ARHGEF3: variants seen among roughly 807,000 people sequenced by gnomAD.
ARHGEF3 encodes 59.8 kDA protein.
Under a neutral mutation model 63.2 loss-of-function variants are expected in ARHGEF3, and 28 were observed. The ratio of observed to expected loss-of-function variants is 0.44; its 90% CI spans 0.33 to 0.61. The LOEUF (loss-of-function observed/expected upper bound fraction) is 0.61, where lower values mean the gene tolerates loss of function less well. Ranked by LOEUF, ARHGEF3 falls within the 20% of genes least tolerant of loss-of-function variation. ARHGEF3 has a pLI of 0.03. For synonymous variants in ARHGEF3, 266 were observed against 254.2 expected (o/e 1.05, Z -0.44); for missense variants, 533 against 659.3 (o/e 0.81, Z 2.10).
At chr3:56,955,051 C>T (rs1210976354) in intron 3 of ARHGEF3, among the ~76,000 whole-genome samples, 1 of 152,170 alleles carries the variant, frequency 6.6e-6, no homozygotes, top group African/African-American at 2.4e-5. Context: ...TGTACCTCTC[C>T]TCGAGAGCAA....
intron 4 of ARHGEF3, among the ~76,000 whole-genome samples, chr3:56,871,250 C>G (rs1311127014): frequency 6.6e-6 from 1 of 152,018 alleles, no homozygotes; most frequent in Non-Finnish European, 1.5e-5. Context: ...AAGAATTTGA[C>G]AGTAAATGAA....
chr3:57,042,735 C>T (rs1433644514), intron 1 of ARHGEF3, among the ~76,000 whole-genome samples: 7 of 127,164 alleles, frequency 5.5e-5, no homozygotes, highest in African/African-American at 1.8e-4. Context: ...CTCGCTCTGT[C>T]GCCCAGACTG....
chr3:56,729,666 C>T, intron 9 of ARHGEF3, 44 bp from the exon 10 acceptor site: 1 of 1,494,984 alleles, frequency 6.7e-7, no homozygotes, highest in South Asian at 1.3e-5. Context: ...ATGGACAGAT[C>T]CTTCCTCAGG....
At chr3:56,903,089 C>CAGAG (rs10598469) in intron 3 of ARHGEF3, among the ~76,000 whole-genome samples, 73 of 132,280 alleles carry the variant, frequency 5.5e-4, no homozygotes, top group African/African-American at 1.9e-3. Context: ...CACACACACA[C>CAGAG]AGAGAGAGAG....
chr3:56,824,069 C>A (rs3898134), intron 4 of ARHGEF3, among the ~76,000 whole-genome samples: 11,461 of 150,574 alleles, frequency 0.076, 544 homozygotes, highest in Middle Eastern at 0.11. Context: ...TTAGTGCAAA[C>A]TTTTGTCAAA....
At chr3:57,031,950 C>T (rs1317878885) in intron 2 of ARHGEF3, among the ~76,000 whole-genome samples, 1 of 152,122 alleles carries the variant, frequency 6.6e-6, no homozygotes, top group Non-Finnish European at 1.5e-5. Flanking sequence ...TCTTCTGGCT[C>T]TAAATTTTTA....
intron 3 of ARHGEF3, among the ~76,000 whole-genome samples, chr3:56,946,149 A>C (rs894924092): frequency 6.6e-6 from 1 of 152,204 alleles, no homozygotes; most frequent in African/African-American, 2.4e-5. Flanking sequence ...ATCAAAGACC[A>C]AAGGTAGATA....
rs201057893 is a variant in ARHGEF3 at position 56,996,894 on chromosome 3, T to TATTATTATCA, written c.63-38006_63-38005insTGATAATAAT. On this transcript the variant is annotated intron_variant, in intron 2 of 12. Coordinates refer to the ARHGEF3 transcript ENST00000338458. The stretch of plus-strand genomic sequence containing the variant: ...ATTATTATTATTATTATTATTATTT[T>TATTATTATCA]TTTTTTTTTTTGCAATTTGCTTATT... 2.0e-4 allele frequency among the ~76,000 whole-genome samples: 29 copies of TATTATTATCA among 147,298 alleles called. No homozygotes were observed. The South Asian group carries it at 5.5e-3, about 28-fold the overall frequency.
At chr3:56,898,602 T>C in intron 3 of ARHGEF3, 1 of 281,508 alleles carries the variant, frequency 3.6e-6, no homozygotes, top group Non-Finnish European at 7.9e-6. Context: ...AAGATGTAAG[T>C]ATCAGCTGTT....
intron 3 of ARHGEF3, among the ~76,000 whole-genome samples, chr3:56,915,655 G>A (rs2041968837): frequency 6.6e-6 from 1 of 151,996 alleles, no homozygotes. Flanking sequence ...ACCAAAAAAC[G>A]ATGTTCTTAA....
At chr3:56,863,974 C>A (rs1181592163) in intron 4 of ARHGEF3, among the ~76,000 whole-genome samples, 1 of 152,158 alleles carries the variant, frequency 6.6e-6, no homozygotes, top group Non-Finnish European at 1.5e-5. Flanking sequence ...TAAGTGCCCA[C>A]TCAAGACCAG....
At chr3:57,060,098 T>C (rs918808566) in intron 1 of ARHGEF3, among the ~76,000 whole-genome samples, 1 of 152,124 alleles carries the variant, frequency 6.6e-6, no homozygotes, top group South Asian at 2.1e-4. Flanking sequence ...GGCGGGAGGA[T>C]CACTTGAGCC....
chr3:57,052,006 T>C (rs992349159), intron 1 of ARHGEF3, among the ~76,000 whole-genome samples: 4 of 151,744 alleles, frequency 2.6e-5, no homozygotes, highest in Admixed American at 1.3e-4. Flanking sequence ...ACCACCACCA[T>C]CTACTGAGTA....
At chr3:57,000,453 G>A (rs193289506) in intron 2 of ARHGEF3, among the ~76,000 whole-genome samples, 2 of 151,984 alleles carry the variant, frequency 1.3e-5, no homozygotes, top group Non-Finnish European at 2.9e-5. Flanking sequence ...CCTCCCTTTT[G>A]ATGTGGTGTC....
intron 3 of ARHGEF3, among the ~76,000 whole-genome samples, chr3:56,923,218 G>A (rs568603072): frequency 4.3e-4 from 65 of 151,240 alleles, no homozygotes; most frequent in East Asian, 9.7e-4. Flanking sequence ...GCAAGACTCC[G>A]TCTCAAAAAA....
chr3:56,942,084 T>C (rs762999917), intron 3 of ARHGEF3, among the ~76,000 whole-genome samples: 6 of 152,230 alleles, frequency 3.9e-5, no homozygotes, highest in Non-Finnish European at 7.3e-5. Flanking sequence ...TGTAGGGGAA[T>C]GTGATTACTT....
rs1198850227 is a variant in ARHGEF3 at position 57,074,253 on chromosome 3, C to T, written c.-28+4973G>A. The T allele has an allele frequency of 3.7e-6, 6 of 1,612,302 alleles. No individual in the cohort carries two copies. The Admixed American group carries it at 8.3e-5, about 22-fold the overall frequency. ...TACAGTATACTCCAACACACACATA[C>T]ACACACATCTGTAATCAATAATAAT... On this transcript the variant is annotated intron_variant, in intron 1 of 12. Transcript: ENST00000338458.
At chr3:56,780,257 T>G (rs1469993224) in intron 1 of ARHGEF3, among the ~76,000 whole-genome samples, 2 of 152,238 alleles carry the variant, frequency 1.3e-5, no homozygotes, top group Admixed American at 6.5e-5. Flanking sequence ...ATGTTTTTGC[T>G]AAAGATTATT....
At chr3:56,831,186 T>G (rs1341637377) in intron 4 of ARHGEF3, among the ~76,000 whole-genome samples, 1 of 152,216 alleles carries the variant, frequency 6.6e-6, no homozygotes, top group Non-Finnish European at 1.5e-5. Flanking sequence ...CTTTTAGAAT[T>G]GAGGCAACAG....
Sources: gnomAD v4.1 joint callset for allele counts (sites outside exome capture counted in the v4.1 genomes callset) on GRCh38, gnomAD v4.1.1 for gene constraint, MANE v1.5 for transcripts, NCBI Gene and HGNC (gene_info 2026-07-23, HGNC 2026-07-21) for gene names.